The following LHCGR variants were observed in gnomAD, a reference collection of about 807,000 sequenced individuals.
The protein encoded by LHCGR is lutropin-choriogonadotropic hormone receptor.
LHCGR carries 55 observed loss-of-function variants against 60.7 expected under a neutral mutation model. The observed-to-expected ratio is 0.91, with a 90% CI of 0.73 to 1.13. The LOEUF (loss-of-function observed/expected upper bound fraction) is 1.13. Among genes scored for constraint, LHCGR ranks in the 50% most tolerant of loss-of-function variants. The pLI is 0.00. For missense variants in LHCGR, 862 were observed against 836.0 expected (o/e 1.03, Z -0.38); for synonymous variants, 337 against 316.5 (o/e 1.06, Z -0.69).
intron 8 of LHCGR, among the ~76,000 whole-genome samples, chr2:48,706,526 C>T (rs1667684536): frequency 6.6e-6 from 1 of 152,214 alleles, no homozygotes; most frequent in African/African-American, 2.4e-5. Flanking sequence ...TCAGGTACAC[C>T]AATCAAACGT....
intron 1 of LHCGR, among the ~76,000 whole-genome samples, chr2:48,750,212 C>T (rs1020467602): frequency 6.6e-6 from 1 of 152,142 alleles, no homozygotes; most frequent in African/African-American, 2.4e-5. Context: ...AGTCTTCTTT[C>T]TGTCTGTGGA....
In LHCGR at chr2:48,697,411, C is replaced by A. The variant is rs375770175; in HGVS notation, c.866+1204G>T. On this transcript the variant is annotated intron_variant, in intron 9 of 10. Transcript: ENST00000294954. Reference sequence around the variant, plus strand: ...GGCTCTCTTGTGTGTTGCTCCCATACAGCTGTCTGTGACTTATCTTTGTAA... The same window carrying A: ...GGCTCTCTTGTGTGTTGCTCCCATAAAGCTGTCTGTGACTTATCTTTGTAA... Among the ~76,000 whole-genome samples the A allele has an allele frequency of 7.9e-5, 12 of 152,316 alleles. No homozygotes were observed. The East Asian group carries it at 2.1e-3, about 27-fold the overall frequency.
At chr2:48,719,918 A>T (rs1253532887) in intron 6 of LHCGR, 1 of 152,232 alleles carries the variant, frequency 6.6e-6, no homozygotes, top group Non-Finnish European at 1.5e-5. Context: ...AGGCTGCTCC[A>T]CACGATCCTT....
intron 6 of LHCGR, among the ~76,000 whole-genome samples, chr2:48,715,071 G>T (rs776439173): frequency 6.6e-6 from 1 of 152,038 alleles, no homozygotes; most frequent in Non-Finnish European, 1.5e-5. Flanking sequence ...ATTTCGTGTC[G>T]TGTTCTCAGT....
At position 48,688,929 on chromosome 2, in the gene LHCGR, C is replaced by T; in HGVS notation, c.948-80G>A. ...TTCAAGAATTATGTTTCTTTAAAGG[C>T]AAAGAAACAAAAGGAAACAAAGCCA... On this transcript the variant is annotated intron_variant, in intron 10 of 10. Coordinates refer to ENST00000294954, the MANE Select transcript of LHCGR (RefSeq NM_000233.4). The surrounding 1 kb of genome is among the most constrained non-coding windows in gnomAD (Gnocchi z 5.2). 1 of 1,316,482 alleles carries T rather than the reference C, an allele frequency of 7.6e-7. No individual in the cohort carries two copies. Among genetic ancestry groups the T allele is most frequent in the Non-Finnish European group, 1.1e-6 (1 of 924,974 alleles). 81.6% of individuals were successfully genotyped at this position (1,316,482 alleles called of 1,614,324 possible).
chr2:48,733,169 T>C, intron 1 of LHCGR: 1 of 349,236 alleles, frequency 2.9e-6, no homozygotes, highest in South Asian at 2.3e-5. Context: ...AGAATCTTTA[T>C]TGCTGGGGAT....
At chr2:48,703,082 G>A (rs1451813011) in intron 8 of LHCGR, among the ~76,000 whole-genome samples, 1 of 152,188 alleles carries the variant, frequency 6.6e-6, no homozygotes, top group Non-Finnish European at 1.5e-5. Context: ...TTTGAGAAGT[G>A]TCTGTTCATA....
At chr2:48,695,975 A>T (rs955952571) in intron 9 of LHCGR, among the ~76,000 whole-genome samples, 1 of 152,252 alleles carries the variant, frequency 6.6e-6, no homozygotes, top group South Asian at 2.1e-4. Flanking sequence ...TCATGTAACA[A>T]ACTGGTACAT....
intron 6 of LHCGR, chr2:48,720,920 C>T (rs911761885): frequency 3.3e-5 from 5 of 152,182 alleles, no homozygotes; most frequent in African/African-American, 9.7e-5. Flanking sequence ...GGGCTACATA[C>T]ATATTAGCTG....
chr2:48,753,419 T>C (rs1345398396), intron 1 of LHCGR, among the ~76,000 whole-genome samples: 8 of 152,140 alleles, frequency 5.3e-5, no homozygotes, highest in African/African-American at 1.9e-4. Flanking sequence ...TGAGGGCATC[T>C]CTCAACCATC....
In LHCGR at chr2:48,687,558, T is replaced by A; in HGVS notation, c.*139A>T. On this transcript the variant is annotated 3_prime_UTR_variant, in exon 11 of 11. Transcript: ENST00000294954. ...AGTGGTCATAGACTACACTTTCTAC[T>A]AGGTAGAGGTCTCTTGCCTAATGTA... The A allele has an allele frequency of 1.5e-6, 1 of 674,552 alleles. No homozygotes were observed. Among genetic ancestry groups the A allele is most frequent in the Non-Finnish European group, 2.6e-6 (1 of 390,026 alleles). 41.8% of individuals were successfully genotyped at this position (674,552 alleles called of 1,614,324 possible).
chr2:48,716,677 C>T (rs1182348765), intron 6 of LHCGR, among the ~76,000 whole-genome samples: 1 of 152,160 alleles, frequency 6.6e-6, no homozygotes, highest in Non-Finnish European at 1.5e-5. Context: ...AGCTCAATTT[C>T]ACCAGAATTT....
At chr2:48,707,466 C>T (rs1398647728) in intron 8 of LHCGR, among the ~76,000 whole-genome samples, 3 of 152,332 alleles carry the variant, frequency 2.0e-5, no homozygotes, top group South Asian at 2.1e-4. Context: ...CAGGCAGGGA[C>T]GTTTAAGTCT....
rs1443393679 is a variant in LHCGR, at chr2:48,755,639, C to T, written c.33G>A (p.Leu11=). 6.5e-7 allele frequency: 1 copy of T among 1,534,854 alleles called. No homozygotes were observed. The highest frequency in any genetic ancestry group is 2.4e-5 in the East Asian group (1 of 40,860). ...GCGGCTGCAGCAGCAGCAGCAGCTT[C>T]AGCAGCTGCAGCGCCGAGAACCGCT... MKQRFSALQL[L]KLLLLLQPPL... is the part of the protein sequence containing the mutation. Residue 11 remains leucine (L), a synonymous_variant, in exon 1 of 11, where the codon CTG becomes CTA. Transcript: ENST00000294954.
intron 7 of LHCGR, among the ~76,000 whole-genome samples, chr2:48,713,167 TG>T (rs1668074560): frequency 6.6e-6 from 1 of 152,186 alleles, no homozygotes; most frequent in South Asian, 2.1e-4. Context: ...TCTTCGTAGG[TG>T]TGTAAAAATT....
At chr2:48,748,445 C>T (rs1324352624) in intron 1 of LHCGR, among the ~76,000 whole-genome samples, 3 of 152,130 alleles carry the variant, frequency 2.0e-5, no homozygotes, top group Non-Finnish European at 2.9e-5. Flanking sequence ...AGGTATGTGT[C>T]AGGGGCAGCT....
In LHCGR at chr2:48,755,605, G is replaced by A; in HGVS notation, c.67C>T (p.Arg23Ter). ...LLLLLQPPLP[R>*]ALREALCPEP... ...GGGCAGAGCGCCTCGCGCAGCGCTC[G>A]TGGCAGCGGCGGCTGCAGCAGCAGC... Residue 23 changes from arginine to a stop codon, truncating the protein, a stop_gained, in exon 1 of 11, where the codon CGA (arginine) becomes TGA (stop). Coordinates refer to ENST00000294954, the MANE Select transcript of LHCGR (RefSeq NM_000233.4). LOFTEE classifies it high-confidence loss of function. The A allele has an allele frequency of 1.3e-6, 2 of 1,534,602 alleles. No homozygotes were observed. Among genetic ancestry groups the A allele is most frequent in the Non-Finnish European group, 1.7e-6 (2 of 1,144,210 alleles).
chr2:48,688,066 G>A lies in LHCGR; in HGVS notation c.1731C>T (p.Thr577=), dbSNP rs370530824. Residue 577 remains threonine (T), a synonymous_variant, in exon 11 of 11, where the codon ACC becomes ACT. Coordinates refer to ENST00000294954, the MANE Select transcript of LHCGR (RefSeq NM_000233.4). This position sits in a 1 kb window ranked among gnomAD's most constrained non-coding sequence, Gnocchi z 5.2. ...IAKKMAILIF[T]DFTCMAPISF... ...AGATAGGTGCCATGCAGGTGAAATCGGTGAAGATGAGGATTGCCATTTTCT... is the reference window on the plus strand; with the variant it reads ...AGATAGGTGCCATGCAGGTGAAATCAGTGAAGATGAGGATTGCCATTTTCT... The A allele has an allele frequency of 5.6e-6, 9 of 1,613,994 alleles. No homozygotes were observed. The highest frequency in any genetic ancestry group is 2.7e-5 in the African/African-American group (2 of 74,904).
At chr2:48,715,432 G>A (rs942497735) in intron 6 of LHCGR, among the ~76,000 whole-genome samples, 1 of 152,068 alleles carries the variant, frequency 6.6e-6, no homozygotes, top group Admixed American at 6.6e-5. Flanking sequence ...GTGAGAAAGG[G>A]CTGTGGTGTG....
Sources: gnomAD v4.1 joint callset for allele counts (sites outside exome capture counted in the v4.1 genomes callset) on GRCh38, gnomAD v4.1.1 for gene constraint, Gnocchi (gnomAD v3.1) non-coding constraint, MANE v1.5 for transcripts, NCBI Gene and HGNC (gene_info 2026-07-23, HGNC 2026-07-21) for gene names.